The following RBMS1 variants were observed in gnomAD, a reference collection of about 807,000 sequenced individuals.
RBMS1 encodes the protein RNA binding motif single stranded interacting protein 1.
In RBMS1, 17 loss-of-function variants were observed where a neutral mutation model predicts 62.3. The observed-to-expected ratio is 0.27, with a 90% confidence interval of 0.19 to 0.41. RBMS1 has a LOEUF of 0.41. RBMS1 is among the 10% of genes least tolerant of loss of function. The probability of loss-of-function intolerance (pLI) is 1.00; values close to 1 mark genes in which losing one functional copy is unlikely to be tolerated. For missense variants in RBMS1, 334 were observed against 504.5 expected, an observed-to-expected ratio of 0.66 and a Z score of 3.24; for synonymous variants, 172 against 170.0, an observed-to-expected ratio of 1.01 and a Z score of -0.09.
At chr2:160,325,555 T>G (rs947175926) in intron 2 of RBMS1, among the ~76,000 whole-genome samples, 20 of 152,192 alleles carry the variant, frequency 1.3e-4, no homozygotes, top group Admixed American at 3.9e-4. Flanking sequence ...TCTAACTCAC[T>G]TTTTTGGCTG....
intron 1 of RBMS1, among the ~76,000 whole-genome samples, chr2:160,451,900 G>A (rs753942914): frequency 1.1e-4 from 17 of 152,076 alleles, no homozygotes; most frequent in Non-Finnish European, 1.8e-4. Flanking sequence ...ATGAGGCACC[G>A]CGCCTGGCCA....
chr2:160,283,574 GCGT>G (rs2105933578), intron 9 of RBMS1: 1 of 152,342 alleles, frequency 6.6e-6, no homozygotes, highest in Admixed American at 6.5e-5. Flanking sequence ...CTCAGTTTTA[GCGT>G]ATCTAATCAC....
chr2:160,377,276 G>T (rs1226754919), intron 1 of RBMS1, among the ~76,000 whole-genome samples: 1 of 152,142 alleles, frequency 6.6e-6, no homozygotes, highest in Non-Finnish European at 1.5e-5. Flanking sequence ...TTCGTTAAAA[G>T]AAATAAACGC....
intron 1 of RBMS1, 145 bp downstream of exon 1, chr2:160,493,144 A>C: frequency 5.3e-6 from 4 of 753,026 alleles, no homozygotes; most frequent in Non-Finnish European, 6.2e-6. Flanking sequence ...GGCTCTGCCC[A>C]GGCCAGCGCT....
At chr2:160,439,775 G>A (rs931020039) in intron 1 of RBMS1, among the ~76,000 whole-genome samples, 3 of 152,234 alleles carry the variant, frequency 2.0e-5, no homozygotes, top group Non-Finnish European at 2.9e-5. Context: ...ACTGAGCACT[G>A]AGTGAACGAG....
At chr2:160,324,936 A>ACACC (rs1690837984) in intron 2 of RBMS1, among the ~76,000 whole-genome samples, 1 of 146,836 alleles carries the variant, frequency 6.8e-6, no homozygotes, top group African/African-American at 2.5e-5. Context: ...ACACACACAC[A>ACACC]CATATATATG....
chr2:160,457,635 T>C (rs1461892283), intron 1 of RBMS1, among the ~76,000 whole-genome samples: 1 of 152,226 alleles, frequency 6.6e-6, no homozygotes, highest in Non-Finnish European at 1.5e-5. Flanking sequence ...TGGATAATAT[T>C]ACAGATTCAT....
At chr2:160,323,608 G>GAAAAAA (rs1491379305) in intron 2 of RBMS1, among the ~76,000 whole-genome samples, 1 of 84,754 alleles carries the variant, frequency 1.2e-5, no homozygotes, top group Non-Finnish European at 2.3e-5. Context: ...AGAATTTCAT[G>GAAAAAA]AAAGAAAAAA....
chr2:160,448,598 C>T lies in RBMS1; in HGVS notation c.75+44691G>A, dbSNP rs1307731452. Reference sequence around the variant, plus strand: ...GACAGAGTCTCGCTCACTCAGTGCTCGATGTTGCCCAGGCTGGAGTGCAGT... The same window carrying T: ...GACAGAGTCTCGCTCACTCAGTGCTTGATGTTGCCCAGGCTGGAGTGCAGT... On this transcript the variant is annotated intron_variant, in intron 1 of 13. Transcript: ENST00000348849. Among the ~76,000 whole-genome samples, 5 of 152,236 alleles carry T rather than the reference C, an allele frequency of 3.3e-5. No homozygotes were observed. In the East Asian group the frequency reaches 5.8e-4, roughly 18 times the overall value.
intron 1 of RBMS1, among the ~76,000 whole-genome samples, chr2:160,427,670 T>C (rs1682694201): frequency 6.6e-6 from 1 of 152,216 alleles, no homozygotes; most frequent in African/African-American, 2.4e-5. Context: ...AGAATATTAA[T>C]TCTTCAGTTA....
intron 2 of RBMS1, among the ~76,000 whole-genome samples, chr2:160,349,555 G>A (rs1573909136): frequency 7.3e-6 from 1 of 137,502 alleles, no homozygotes; most frequent in Admixed American, 7.1e-5. Context: ...GAGACAGAAA[G>A]AGAGAGAGAG....
chr2:160,465,510 C>G (rs1344882715), intron 1 of RBMS1, among the ~76,000 whole-genome samples: 1 of 152,142 alleles, frequency 6.6e-6, no homozygotes, highest in Non-Finnish European at 1.5e-5. Context: ...CTAAGTATCT[C>G]TTACTCTCAG....
At chr2:160,280,647 T>A (rs1320695053) in intron 10 of RBMS1, among the ~76,000 whole-genome samples, 1 of 152,218 alleles carries the variant, frequency 6.6e-6, no homozygotes, top group Non-Finnish European at 1.5e-5. Context: ...AATTTGTGAT[T>A]TTCTCATGTG....
intron 1 of RBMS1, among the ~76,000 whole-genome samples, chr2:160,381,997 CA>C (rs1228834156): frequency 1.3e-5 from 2 of 152,122 alleles, no homozygotes; most frequent in Non-Finnish European, 2.9e-5. Context: ...GATTAAAGAA[CA>C]AATCTCCCCT....
intron 1 of RBMS1, among the ~76,000 whole-genome samples, chr2:160,412,938 G>A (rs1441201387): frequency 2.6e-5 from 4 of 152,100 alleles, no homozygotes; most frequent in African/African-American, 4.8e-5. Context: ...ACATATTACC[G>A]AGCCCCACAT....
chr2:160,362,817 G>C (rs985580498), intron 2 of RBMS1, among the ~76,000 whole-genome samples: 3 of 151,784 alleles, frequency 2.0e-5, no homozygotes, highest in African/African-American at 7.3e-5. Flanking sequence ...ACAGTAAAAC[G>C]AGGTATGCCT....
At chr2:160,444,670 C>T (rs1683562978) in intron 1 of RBMS1, among the ~76,000 whole-genome samples, 1 of 152,186 alleles carries the variant, frequency 6.6e-6, no homozygotes, top group African/African-American at 2.4e-5. Context: ...GACCTTACTC[C>T]TACTATGACT....
chr2:160,395,725 T>C (rs1695106061), intron 1 of RBMS1, among the ~76,000 whole-genome samples: 1 of 152,178 alleles, frequency 6.6e-6, no homozygotes, highest in South Asian at 2.1e-4. Context: ...ATCTCCATAG[T>C]GTTTACATAT....
chr2:160,430,650 T>G (rs1198962994), intron 1 of RBMS1, among the ~76,000 whole-genome samples: 1 of 152,214 alleles, frequency 6.6e-6, no homozygotes, highest in Non-Finnish European at 1.5e-5. Context: ...TATTTTTCTA[T>G]TAGTCCTACC....
Sources: allele counts gnomAD v4.1 joint callset (sites outside exome capture counted in the v4.1 genomes callset), GRCh38; gene constraint gnomAD v4.1.1; transcripts MANE v1.5; gene names NCBI Gene and HGNC (gene_info 2026-07-23, HGNC 2026-07-21).